Variants in RPN1 observed in about 807,000 individuals in gnomAD.
The protein encoded by RPN1 is dolichyl-diphosphooligosaccharide--protein glycosyltransferase subunit 1.
Under a neutral mutation model 55.5 loss-of-function variants are expected in RPN1, and 12 were observed. The observed-to-expected ratio is 0.22, with a 90% CI of 0.14 to 0.35. The LOEUF (loss-of-function observed/expected upper bound fraction) is 0.35, where lower values mean the gene tolerates loss of function less well. RPN1 is among the 10% of genes least tolerant of loss of function. The pLI is 1.00. For missense variants in RPN1, 679 were observed against 761.3 expected (o/e 0.89, Z 1.27); for synonymous variants, 317 against 305.9 (o/e 1.04, Z -0.38).
intron 3 of RPN1, 126 bp from the exon 4 acceptor site, chr3:128,632,283 G>A (rs536609460): frequency 1.2e-5 from 9 of 740,046 alleles, no homozygotes; most frequent in African/African-American, 5.3e-5. Context: ...TGTATCTAAC[G>A]TATGCAACAT....
Position 128,625,927 on chromosome 3 carries a change from C to A in RPN1, c.1222G>T (p.Val408Leu). 1 of 1,613,992 alleles carries A rather than the reference C, an allele frequency of 6.2e-7. No homozygotes were observed. Residue 408 changes from valine to leucine, a missense_variant, in exon 7 of 10, where the codon GTG becomes TTG. This residue lies in a region of RPN1 where 306 missense variants were observed against 360.0 expected (regional missense o/e 0.85). Coordinates refer to ENST00000296255, the MANE Select transcript of RPN1 (RefSeq NM_002950.4). ...YTYLDTFGRP[V>L]IVAYKKNLVE... ...AGATTTTTCTTGTAGGCAACAATCACAGGGCGGCCAAATGTGTCCAGATAG... is the reference window on the plus strand; with the variant it reads ...AGATTTTTCTTGTAGGCAACAATCAAAGGGCGGCCAAATGTGTCCAGATAG...
At chr3:128,636,167 AC>A in intron 3 of RPN1, among the ~76,000 whole-genome samples, 1 of 152,296 alleles carries the variant, frequency 6.6e-6, no homozygotes, top group East Asian at 1.9e-4. Flanking sequence ...GACATTTGAA[AC>A]ATAAAAAACA....
At chr3:128,634,709 C>T (rs1450964168) in intron 3 of RPN1, among the ~76,000 whole-genome samples, 6 of 151,900 alleles carry the variant, frequency 3.9e-5, no homozygotes, top group Admixed American at 3.9e-4. Context: ...ATTACAGGTG[C>T]ACGCCAGCAT....
intron 2 of RPN1, among the ~76,000 whole-genome samples, chr3:128,642,749 G>A (rs116446794): frequency 0.028 from 4,273 of 152,092 alleles, 81 homozygotes; most frequent in Middle Eastern, 0.044. Flanking sequence ...GGGGTCAGGC[G>A]CAGTGGCTCA....
At position 128,650,807 on chromosome 3, in the gene RPN1, G is replaced by A. The variant is rs1174075889; in HGVS notation, c.-7C>T. On this transcript the variant is annotated 5_prime_UTR_variant, in exon 1 of 10. Transcript: ENST00000296255. ...CGGCGGCTGGCGCCTCCATGACCGGGAAGAGCAGTGCGCCAGGGCGGGTAG... is the reference window on the plus strand; with the variant it reads ...CGGCGGCTGGCGCCTCCATGACCGGAAAGAGCAGTGCGCCAGGGCGGGTAG... The A allele has an allele frequency of 8.6e-6, 13 of 1,516,368 alleles. No individual in the cohort carries two copies. The African/African-American group carries it at 9.7e-5, about 11-fold the overall frequency. The allele number at this position is 1,516,368 out of a possible 1,614,324, so 93.9% of individuals were successfully genotyped here.
At chr3:128,647,374 A>C (rs1354071812) in intron 1 of RPN1, among the ~76,000 whole-genome samples, 3 of 152,142 alleles carry the variant, frequency 2.0e-5, no homozygotes, top group African/African-American at 7.2e-5. Context: ...AAGTTTCATT[A>C]CTTTGACTAG....
rs879221646 is a variant in RPN1 at position 128,620,213 on chromosome 3, TAAA to T, written c.*195_*197del. 313 of 332,182 alleles carry T rather than the reference TAAA, an allele frequency of 9.4e-4. No homozygotes were observed. Among genetic ancestry groups the T allele is most frequent in the African/African-American group, 4.4e-3 (200 of 45,218 alleles). 20.6% of individuals were successfully genotyped at this position (332,182 alleles called of 1,614,324 possible). A position where few individuals can be genotyped will look rare whatever the true frequency, so the allele number is the denominator to read the frequency against. ...GAGTTTTTTTAAAGTTTTCTTTTTT[TAAA>T]AAAAAAAAAAAAGAAAGTTAAGGAC... On this transcript the variant is annotated 3_prime_UTR_variant, in exon 10 of 10. Transcript: ENST00000296255.
chr3:128,649,566 G>C (rs1482715892), intron 1 of RPN1, among the ~76,000 whole-genome samples: 1 of 152,192 alleles, frequency 6.6e-6, no homozygotes. Context: ...AGTGTGCTTA[G>C]AAGAAATGTG....
Position 128,622,276 on chromosome 3 carries a change from G to A in RPN1, c.1529C>T (p.Ser510Phe), listed in dbSNP as rs778668806. Residue 510 changes from serine to phenylalanine, a missense_variant, in exon 9 of 10, where the codon TCC becomes TTC. Physicochemically the swap from Ser to Phe is radical, Grantham distance 155 (BLOSUM62 -2). Around this residue, in one of 3 missense-constraint regions of RPN1, gnomAD observed 306 missense variants for 360.0 expected, o/e 0.85. Transcript: ENST00000296255. The part of the protein sequence containing the change: ...VNRYKQSRDI[S>F]TLNSGKKSLE... ...GCTCTTCTTGCCACTGTTGAGGGTGGAGATGTCCCGGGATTGCTTGTACCT... is the reference window on the plus strand; with the variant it reads ...GCTCTTCTTGCCACTGTTGAGGGTGAAGATGTCCCGGGATTGCTTGTACCT... 1 of 1,614,226 alleles carries A rather than the reference G, an allele frequency of 6.2e-7. No homozygotes were observed. The highest frequency in any genetic ancestry group is 1.1e-5 in the South Asian group (1 of 91,082).
chr3:128,627,080 C>A (rs13073315), intron 5 of RPN1: 2 of 471,378 alleles, frequency 4.2e-6, no homozygotes, highest in African/African-American at 3.9e-5. Flanking sequence ...TGAAGGAGAA[C>A]GCAGAGAGAA....
Position 128,650,801 on chromosome 3 carries a change from G to GACCGGGAAGAGCAGTGC in RPN1, c.-18_-2dup. 2 of 1,526,882 alleles carry GACCGGGAAGAGCAGTGC rather than the reference G, an allele frequency of 1.3e-6. No homozygotes were observed. The highest frequency in any genetic ancestry group is 1.8e-6 in the Non-Finnish European group (2 of 1,135,292). The allele number at this position is 1,526,882 out of a possible 1,614,324, so 94.6% of individuals were successfully genotyped here. A position where few individuals can be genotyped will look rare whatever the true frequency, so the allele number is the denominator to read the frequency against. ...ACAAGCCGGCGGCTGGCGCCTCCAT[G>GACCGGGAAGAGCAGTGC]ACCGGGAAGAGCAGTGCGCCAGGGC... On this transcript the variant is annotated 5_prime_UTR_variant, in exon 1 of 10. Coordinates refer to ENST00000296255, the MANE Select transcript of RPN1 (RefSeq NM_002950.4).
At chr3:128,626,941 C>A in intron 5 of RPN1, 109 bp from the exon 6 acceptor site, 1 of 903,160 alleles carries the variant, frequency 1.1e-6, no homozygotes, top group South Asian at 1.4e-5. Flanking sequence ...ACAGCAAAAC[C>A]AAAAACCCAC....
intron 4 of RPN1, 90 bp downstream of exon 4, chr3:128,631,858 C>G: frequency 7.1e-7 from 1 of 1,404,902 alleles, no homozygotes; most frequent in Non-Finnish European, 1.0e-6. Context: ...AAACAACTGC[C>G]TAAATATTTA....
Position 128,650,629 on chromosome 3 carries a change from G to A in RPN1, c.172C>T (p.Leu58=). The change falls in exon 1 of 10, where the codon CTG becomes TTG. Residue 58 remains leucine, a synonymous_variant. Transcript: ENST00000296255. ...GCTCGGGACGTGGAGCCGCCGCCCA[G>A]GTGCGCCAGGACCACCTCGGCCGTC... is the stretch of plus-strand genomic sequence containing the variant. The part of the protein sequence containing the change: ...KVTAEVVLAH[L]GGGSTSRATS... 6.4e-7 allele frequency: 1 copy of A among 1,554,330 alleles called. No homozygotes were observed. The highest frequency in any genetic ancestry group is 1.7e-4 in the Middle Eastern group (1 of 5,978).
At position 128,632,090 on chromosome 3, in the gene RPN1, A is replaced by G. The variant is rs2069646729; in HGVS notation, c.701T>C (p.Ile234Thr). Residue 234 changes from isoleucine to threonine, a missense_variant, in exon 4 of 10, where the codon ATT becomes ACT. Ile to Thr is a moderately conservative substitution (Grantham distance 89, BLOSUM62 -1). Coordinates refer to ENST00000296255, the MANE Select transcript of RPN1 (RefSeq NM_002950.4). The part of the protein sequence containing the change: ...FLTITSMTRV[I>T]EVSHWGNIAV... ...AATATTACCCCAGTGAGAGACTTCA[A>G]TGACTCGGGTCATGCTGGTGATGGT... The G allele has an allele frequency of 1.2e-6, 2 of 1,614,206 alleles. No homozygotes were observed. Among genetic ancestry groups the G allele is most frequent in the Non-Finnish European group, 8.5e-7 (1 of 1,180,034 alleles).
intron 3 of RPN1, among the ~76,000 whole-genome samples, chr3:128,636,710 T>C (rs73195095): frequency 0.017 from 2,637 of 152,168 alleles, 44 homozygotes; most frequent in Admixed American, 0.026. Context: ...TGTGTCACCA[T>C]GCCCAGCTTA....
chr3:128,625,392 A>G, intron 8 of RPN1, 142 bp downstream of exon 8: 1 of 1,303,942 alleles, frequency 7.7e-7, no homozygotes, highest in Non-Finnish European at 1.1e-6. Context: ...AAAACAAAGT[A>G]CCCTTCCGGC....
At chr3:128,624,005 G>GCACACACA (rs74281186) in intron 8 of RPN1, among the ~76,000 whole-genome samples, 9 of 148,014 alleles carry the variant, frequency 6.1e-5, no homozygotes, top group African/African-American at 2.2e-4. Flanking sequence ...ACACACACAC[G>GCACACACA]CACACACACA....
At chr3:128,620,950 G>C (rs1266010129) in intron 9 of RPN1, among the ~76,000 whole-genome samples, 1 of 152,136 alleles carries the variant, frequency 6.6e-6, no homozygotes, top group Non-Finnish European at 1.5e-5. Context: ...TTCTCTCCTT[G>C]CAGCTTGTCA....
Sources: allele counts gnomAD v4.1 joint callset (sites outside exome capture counted in the v4.1 genomes callset), GRCh38; gene constraint gnomAD v4.1.1; regional missense constraint gnomAD v4.1.1; transcripts MANE v1.5; gene names NCBI Gene and HGNC (gene_info 2026-07-23, HGNC 2026-07-21).